The following PLEKHA7 variants were observed in gnomAD, a reference collection of about 807,000 sequenced individuals.
PLEKHA7 encodes the protein pleckstrin homology domain-containing family A member 7.
PLEKHA7 carries 104 observed loss-of-function variants against 170.0 expected under a neutral mutation model. The ratio of observed to expected loss-of-function variants is 0.61; its 90% CI spans 0.52 to 0.72. The LOEUF (loss-of-function observed/expected upper bound fraction) is 0.72, where lower values mean the gene tolerates loss of function less well. Ranked by LOEUF, PLEKHA7 falls within the 30% of genes least tolerant of loss-of-function variation. The pLI is 0.00. For synonymous variants in PLEKHA7, 648 were observed against 660.8 expected, an observed-to-expected ratio of 0.98 and a Z score of 0.30; for missense variants, 1,615 against 1,671.7, an observed-to-expected ratio of 0.97 and a Z score of 0.59.
At chr11:16,892,000 G>C (rs1856649642) in intron 3 of PLEKHA7, among the ~76,000 whole-genome samples, 1 of 152,218 alleles carries the variant, frequency 6.6e-6, no homozygotes, top group Non-Finnish European at 1.5e-5. Context: ...TATTTTTCAA[G>C]GAACTGAGTG....
Position 16,816,959 on chromosome 11 carries a change from A to G in PLEKHA7, c.1707T>C (p.Ser569=), listed in dbSNP as rs1849806169. ...EVPRSISVPP[S]PSDIPPPGPP... Reference sequence around the variant, plus strand: ...GTCCTGGGGGAGGGATGTCCGAGGGAGATGGAGGCACAGAGATGGAGCGGG... The same window carrying G: ...GTCCTGGGGGAGGGATGTCCGAGGGGGATGGAGGCACAGAGATGGAGCGGG... Residue 569 remains serine, a synonymous_variant, in exon 11 of 27, where the codon TCT becomes TCC. Transcript: ENST00000531066. 3 of 1,611,430 alleles carry G rather than the reference A, an allele frequency of 1.9e-6. No individual in the cohort carries two copies. The highest frequency in any genetic ancestry group is 1.3e-5 in the African/African-American group (1 of 74,856).
chr11:16,889,420 A>AAAATATATATATATATAT (rs61086849), intron 3 of PLEKHA7, among the ~76,000 whole-genome samples: 2 of 74,670 alleles, frequency 2.7e-5, no homozygotes, highest in African/African-American at 1.3e-4. Context: ...AAAAAAAAAA[A>AAAATATATATATATATAT]ATATATATAT....
At chr11:16,803,745 T>C (rs1245486644) in intron 13 of PLEKHA7, among the ~76,000 whole-genome samples, 2 of 152,176 alleles carry the variant, frequency 1.3e-5, no homozygotes, top group African/African-American at 4.8e-5. Context: ...AACAAATCCC[T>C]TGACCATTGT....
chr11:16,838,336 T>G (rs759358636), intron 9 of PLEKHA7, among the ~76,000 whole-genome samples: 2 of 152,026 alleles, frequency 1.3e-5, no homozygotes, highest in African/African-American at 2.4e-5. Context: ...AGTGAGCCTC[T>G]GTCTCTAAAA....
chr11:16,962,782 CT>C (rs2136632295), intron 3 of PLEKHA7, among the ~76,000 whole-genome samples: 2 of 152,300 alleles, frequency 1.3e-5, no homozygotes, highest in African/African-American at 4.8e-5. Flanking sequence ...TGATGTGGTC[CT>C]TTGGCAGCCT....
In PLEKHA7 at chr11:16,921,936, AT is replaced by A. The variant is rs1306608135; in HGVS notation, c.222-50755del. ...AGGTATCCAGTTGCTCTTAGGACTAATATTCCCTAATCCTGGCTGGACCAGA... is the reference window on the plus strand; with the variant it reads ...AGGTATCCAGTTGCTCTTAGGACTAAATTCCCTAATCCTGGCTGGACCAGA... On this transcript the variant is annotated intron_variant, in intron 3 of 26. Coordinates refer to ENST00000531066, the MANE Select transcript of PLEKHA7 (RefSeq NM_001329630.2). Among the ~76,000 whole-genome samples the A allele has an allele frequency of 3.9e-5, 6 of 152,336 alleles. No individual in the cohort carries two copies. In the South Asian group the frequency reaches 1.2e-3, roughly 32 times the overall value.
intron 4 of PLEKHA7, among the ~76,000 whole-genome samples, chr11:16,869,425 A>T (rs969085443): frequency 6.6e-6 from 1 of 152,208 alleles, no homozygotes; most frequent in African/African-American, 2.4e-5. Flanking sequence ...GTCTCTGGGC[A>T]CTTCTTTGGG....
At chr11:16,801,191 C>G (rs1422371145) in intron 16 of PLEKHA7, 116 bp from the exon 17 acceptor site, 5 of 860,842 alleles carry the variant, frequency 5.8e-6, no homozygotes, top group South Asian at 5.8e-5. Context: ...GGAAGGAGAC[C>G]GGGCAGGCCT....
In PLEKHA7 at chr11:16,779,020, G is replaced by A. The variant is rs915433708; in HGVS notation, c.3794C>T (p.Ala1265Val). Residue 1265 changes from alanine to valine, a missense_variant and splice_region_variant, in exon 27 of 27, where the codon GCC (alanine) becomes GTC (valine). Coordinates refer to ENST00000531066, the MANE Select transcript of PLEKHA7 (RefSeq NM_001329630.2). ...EASQRSKQVA[A>V]QAVTDP ...GGGTCACGGGTCAGTCACTGCCTGG[G>A]CTGGCAAAAAGCACAGGAGACAGTG... is the stretch of plus-strand genomic sequence containing the variant. 2 of 702,480 alleles carry A rather than the reference G, an allele frequency of 2.8e-6. No homozygotes were observed. The highest frequency in any genetic ancestry group is 5.2e-6 in the Non-Finnish European group (2 of 385,012). 43.5% of individuals were successfully genotyped at this position (702,480 alleles called of 1,614,324 possible).
At chr11:16,853,977 G>C (rs1232204037) in intron 6 of PLEKHA7, among the ~76,000 whole-genome samples, 1 of 152,238 alleles carries the variant, frequency 6.6e-6, no homozygotes, top group Non-Finnish European at 1.5e-5. Context: ...TGCTATGCTA[G>C]GTGAGAGACA....
intron 13 of PLEKHA7, chr11:16,812,486 G>C (rs1267920461): frequency 6.6e-6 from 1 of 152,258 alleles, no homozygotes; most frequent in Non-Finnish European, 1.5e-5. Context: ...TTCACAGTAG[G>C]AGCTTTCAGA....
chr11:16,929,472 T>C (rs1259200774), intron 3 of PLEKHA7, among the ~76,000 whole-genome samples: 2 of 152,216 alleles, frequency 1.3e-5, no homozygotes, highest in Admixed American at 1.3e-4. Context: ...CCCAAAACTG[T>C]TCACCTTGCT....
chr11:16,948,926 C>T (rs143023330), intron 3 of PLEKHA7, among the ~76,000 whole-genome samples: 1 of 152,320 alleles, frequency 6.6e-6, no homozygotes, highest in African/African-American at 2.4e-5. Context: ...TCCTCAGCAT[C>T]ATCCCTGGAG....
rs143870829 is a variant in PLEKHA7, at chr11:16,843,643, A to G, written c.697-1921T>C. Among the ~76,000 whole-genome samples the G allele has an allele frequency of 4.1e-3, 620 of 152,316 alleles. 1 individual carries two copies. The highest frequency in any genetic ancestry group is 0.014 in the African/African-American group (568 of 41,570). ...TTTTAAGCAAGGTGGAAATGTGCCA[A>G]TAAGAACAGAATAAGGCCAGGCACA... On this transcript the variant is annotated intron_variant, in intron 8 of 26. Transcript: ENST00000531066.
chr11:16,849,886 G>A (rs1185835177), intron 8 of PLEKHA7, among the ~76,000 whole-genome samples: 2 of 152,172 alleles, frequency 1.3e-5, no homozygotes, highest in African/African-American at 2.4e-5. Flanking sequence ...TCACTCGAGG[G>A]AAACACAGGA....
At chr11:16,926,789 G>T (rs1859580052) in intron 3 of PLEKHA7, among the ~76,000 whole-genome samples, 2 of 152,200 alleles carry the variant, frequency 1.3e-5, no homozygotes, top group South Asian at 4.2e-4. Flanking sequence ...TCCAGGTGGG[G>T]CATAGGGTGG....
chr11:16,832,332 T>C (rs1025837995), intron 9 of PLEKHA7, among the ~76,000 whole-genome samples: 2 of 115,356 alleles, frequency 1.7e-5, no homozygotes, highest in Non-Finnish European at 4.0e-5. Flanking sequence ...GCTACTCTTA[T>C]CATTGACTGG....
chr11:16,824,840 A>C (rs879687775), intron 10 of PLEKHA7, among the ~76,000 whole-genome samples: 1 of 152,154 alleles, frequency 6.6e-6, no homozygotes, highest in Non-Finnish European at 1.5e-5. Context: ...CCAACTTTCC[A>C]ACCTCACTCA....
At position 16,906,453 on chromosome 11, in the gene PLEKHA7, T is replaced by C. The variant is rs1857715488; in HGVS notation, c.222-35271A>G. 2.1e-5 allele frequency among the ~76,000 whole-genome samples: 3 copies of C among 142,002 alleles called. No individual in the cohort carries two copies. The East Asian group carries it at 6.3e-4, about 30-fold the overall frequency. 93.2% of individuals were successfully genotyped at this position (142,002 alleles called of 152,430 possible). ...CTCCTGCCTCAGCCTGCCGAGTGCCTGCGATTGCAGGCACGCGCCGCCATG... is the reference window on the plus strand; with the variant it reads ...CTCCTGCCTCAGCCTGCCGAGTGCCCGCGATTGCAGGCACGCGCCGCCATG... On this transcript the variant is annotated intron_variant, in intron 3 of 26. Transcript: ENST00000531066.
Sources: gnomAD v4.1 joint callset for allele counts (sites outside exome capture counted in the v4.1 genomes callset) on GRCh38, gnomAD v4.1.1 for gene constraint, MANE v1.5 for transcripts, NCBI Gene and HGNC (gene_info 2026-07-23, HGNC 2026-07-21) for gene names.